The following FGF13 variants were observed in gnomAD, a reference collection of about 807,000 sequenced individuals.
The protein encoded by FGF13 is fibroblast growth factor 13, also known as fibroblast growth factor homologous factor 2.
Under a neutral mutation model 19.5 loss-of-function variants are expected in FGF13, and 2 were observed. The ratio of observed to expected loss-of-function variants is 0.10; its 90% CI spans 0.04 to 0.32. The LOEUF (loss-of-function observed/expected upper bound fraction) is 0.32, where lower values mean the gene tolerates loss of function less well. FGF13 is among the 10% of genes least tolerant of loss of function. FGF13 has a pLI of 1.00. For missense variants in FGF13, 113 were observed against 192.7 expected (o/e 0.59, Z 2.45); for synonymous variants, 72 against 76.9 (o/e 0.94, Z 0.33).
chrX:139,049,394 C>T (rs771058430), intron 1 of FGF13, among the ~76,000 whole-genome samples: 10 of 111,714 alleles, frequency 9.0e-5, no homozygotes, highest in South Asian at 7.5e-4. Flanking sequence ...ATTTCTATAA[C>T]GAACCTAACT....
intron 1 of FGF13, among the ~76,000 whole-genome samples, chrX:139,017,084 A>G (rs1217275358): frequency 9.4e-6 from 1 of 105,824 alleles, no homozygotes; most frequent in Non-Finnish European, 1.9e-5. Flanking sequence ...ACATGTGTGT[A>G]TATATATATA....
chrX:138,803,431 G>A (rs189723285), intron 3 of FGF13, among the ~76,000 whole-genome samples: 53 of 112,073 alleles, frequency 4.7e-4, no homozygotes, highest in African/African-American at 1.6e-3. Flanking sequence ...ACTGCTTGGA[G>A]TGGGCATCAT....
At chrX:139,043,968 A>G (rs906330592) in intron 1 of FGF13, among the ~76,000 whole-genome samples, 1 of 111,477 alleles carries the variant, frequency 9.0e-6, no homozygotes, top group African/African-American at 3.3e-5. Flanking sequence ...ATCTTAGGGG[A>G]AGGAAAGTTG....
chrX:138,860,017 C>T (rs941282673), intron 2 of FGF13, among the ~76,000 whole-genome samples: 3 of 110,153 alleles, frequency 2.7e-5, no homozygotes, highest in African/African-American at 9.9e-5. Flanking sequence ...TCCTCAATAC[C>T]TCAAATGTCA....
intron 1 of FGF13, among the ~76,000 whole-genome samples, chrX:139,042,046 T>G (rs1440738689): frequency 1.8e-5 from 2 of 112,436 alleles, no homozygotes; most frequent in African/African-American, 6.5e-5. Context: ...GTCAGAATAT[T>G]TCATCATGGT....
chrX:139,112,417 C>T (rs900671080), intron 1 of FGF13, among the ~76,000 whole-genome samples: 8 of 111,885 alleles, frequency 7.2e-5, no homozygotes, highest in Admixed American at 1.9e-4. Context: ...ACAATTGACT[C>T]ATTTAAAATA....
intron 1 of FGF13, among the ~76,000 whole-genome samples, chrX:138,917,830 TTTC>T (rs2091624989): frequency 8.9e-6 from 1 of 111,790 alleles, no homozygotes; most frequent in Non-Finnish European, 1.9e-5. Flanking sequence ...AAAATTAGGC[TTTC>T]AGGTCTCTAA....
chrX:139,030,944 C>A (rs972910683), intron 1 of FGF13, among the ~76,000 whole-genome samples: 2 of 111,865 alleles, frequency 1.8e-5, no homozygotes, highest in African/African-American at 6.5e-5. Flanking sequence ...AAAAGGTATA[C>A]GTTTTAAAGA....
intron 3 of FGF13, among the ~76,000 whole-genome samples, chrX:138,788,217 GAAGA>G (rs1221167423): frequency 3.6e-5 from 4 of 112,224 alleles, no homozygotes; most frequent in African/African-American, 6.5e-5. Context: ...CTTCCAAAAT[GAAGA>G]AATAGGAAAG....
chrX:138,907,896 G>A (rs541531774), intron 1 of FGF13, among the ~76,000 whole-genome samples: 5 of 111,233 alleles, frequency 4.5e-5, no homozygotes, highest in African/African-American at 6.6e-5. Flanking sequence ...AGCACTGAGC[G>A]TGAAGTCAGA....
intron 1 of FGF13, among the ~76,000 whole-genome samples, chrX:139,139,828 A>C (rs1408654864): frequency 1.8e-5 from 2 of 111,898 alleles, no homozygotes; most frequent in Non-Finnish European, 3.8e-5. Context: ...ACTGAGAAAA[A>C]TGCGTACAAA....
intron 1 of FGF13, among the ~76,000 whole-genome samples, chrX:139,196,440 G>GA (rs1459695831): frequency 9.9e-5 from 11 of 111,485 alleles, no homozygotes; most frequent in Non-Finnish European, 1.7e-4. Flanking sequence ...AGAGAAGAAG[G>GA]AAAGGGTACC....
chrX:138,645,418 T>C (rs2089296336), intron 3 of FGF13, among the ~76,000 whole-genome samples: 2 of 112,222 alleles, frequency 1.8e-5, no homozygotes, highest in African/African-American at 3.2e-5. Flanking sequence ...TTGTGTGCCC[T>C]GGCCCTTTTG....
At position 139,018,669 on chromosome X, in the gene FGF13, T is replaced by C. The variant is rs529560869; in HGVS notation, c.-112-154019A>G. On this transcript the variant is annotated intron_variant, in intron 1 of 2. Coordinates refer to the FGF13 transcript ENST00000421460. The stretch of plus-strand genomic sequence containing the variant: ...AGACCACATACTTATGAGAGTTTCA[T>C]TGGGCTACAAACCTGGATGGCCAAA... Among the ~76,000 whole-genome samples, 72 of 111,379 alleles carry C rather than the reference T, an allele frequency of 6.5e-4. 1 individual carries two copies. In the Middle Eastern group the frequency reaches 0.023, roughly 36 times the overall value.
At chrX:138,717,874 A>G (rs867838205) in intron 1 of FGF13, among the ~76,000 whole-genome samples, 2 of 111,271 alleles carry the variant, frequency 1.8e-5, no homozygotes, top group African/African-American at 6.5e-5. Flanking sequence ...TGGCCTCCCA[A>G]CGTGCTGGGA....
At chrX:138,960,320 T>C (rs1431828249) in intron 1 of FGF13, among the ~76,000 whole-genome samples, 2 of 111,892 alleles carry the variant, frequency 1.8e-5, no homozygotes, top group East Asian at 5.6e-4. Context: ...GGTTGAAAAT[T>C]CTTTTCTTTA....
intron 3 of FGF13, among the ~76,000 whole-genome samples, chrX:138,694,066 T>C (rs2089865763): frequency 8.9e-6 from 1 of 112,255 alleles, no homozygotes; most frequent in South Asian, 3.6e-4. Flanking sequence ...AATGAGTTCA[T>C]CTAAAGTTTG....
chrX:138,737,550 A>G (rs1316259984), intron 1 of FGF13, among the ~76,000 whole-genome samples: 1 of 112,093 alleles, frequency 8.9e-6, no homozygotes, highest in African/African-American at 3.2e-5. Flanking sequence ...ATAACATTTC[A>G]TCAATCAACC....
At chrX:139,000,719 T>A (rs1489314987) in intron 1 of FGF13, among the ~76,000 whole-genome samples, 2 of 112,209 alleles carry the variant, frequency 1.8e-5, no homozygotes, top group East Asian at 5.6e-4. Context: ...TCCATGCTCA[T>A]GGATAGGAAG....
Sources: allele counts gnomAD v4.1 joint callset (sites outside exome capture counted in the v4.1 genomes callset), GRCh38; gene constraint gnomAD v4.1.1; transcripts MANE v1.5; gene names NCBI Gene and HGNC (gene_info 2026-07-23, HGNC 2026-07-21).